TCP1: variants seen among roughly 807,000 people sequenced by gnomAD.
TCP1 encodes T-complex protein 1 subunit alpha.
A neutral mutation model predicts 54.7 loss-of-function variants in TCP1; 6 were observed. The observed-to-expected ratio is 0.11, with a 90% CI of 0.06 to 0.22. The LOEUF (loss-of-function observed/expected upper bound fraction) is 0.22. Among genes scored for constraint, TCP1 ranks in the 10% least tolerant of loss-of-function variants. TCP1 has a pLI of 1.00. For missense variants in TCP1, 511 were observed against 678.2 expected (o/e 0.75, Z 2.74); for synonymous variants, 225 against 229.7 (o/e 0.98, Z 0.19).
In TCP1 at chr6:159,784,951, T is replaced by G. The variant is rs112054652; in HGVS notation, c.489-104A>C. ...GGGACTTCCTTTTAGTAATCTAATCTATTAAAGCAGCAAGCATTACTTGTC... is the reference window on the plus strand; with the variant it reads ...GGGACTTCCTTTTAGTAATCTAATCGATTAAAGCAGCAAGCATTACTTGTC... On this transcript the variant is annotated intron_variant, in intron 5 of 11. Transcript: ENST00000321394. 5 of 1,141,450 alleles carry G rather than the reference T, an allele frequency of 4.4e-6. No homozygotes were observed. The African/African-American group carries it at 6.2e-5, about 14-fold the overall frequency. The allele number at this position is 1,141,450 out of a possible 1,614,324, so 70.7% of individuals were successfully genotyped here.
intron 7 of TCP1, among the ~76,000 whole-genome samples, 153 bp downstream of exon 7, chr6:159,783,788 G>A (rs1354194706): frequency 6.6e-6 from 1 of 151,952 alleles, no homozygotes; most frequent in Admixed American, 6.6e-5. Context: ...CCACAAAAAG[G>A]CCGATTTTCA....
intron 9 of TCP1, 100 bp from the exon 10 acceptor site, chr6:159,780,187 A>G: frequency 1.1e-5 from 16 of 1,439,532 alleles, no homozygotes; most frequent in Non-Finnish European, 1.5e-5. Flanking sequence ...TTAATAAAAT[A>G]AGTCTACATA....
At chr6:159,786,166 C>G (rs1418068099) in intron 3 of TCP1, 169 bp from the exon 4 acceptor site, 1 of 552,360 alleles carries the variant, frequency 1.8e-6, no homozygotes, top group Non-Finnish European at 3.2e-6. Context: ...CTACAAAACA[C>G]TCCAAGTCCT....
chr6:159,781,158 A>G, intron 7 of TCP1, 48 bp from the exon 8 acceptor site: 1 of 1,436,952 alleles, frequency 7.0e-7, no homozygotes, highest in Non-Finnish European at 9.3e-7. Flanking sequence ...ATTTTTAAAA[A>G]TAATTTAACT....
intron 3 of TCP1, among the ~76,000 whole-genome samples, chr6:159,787,250 AAAT>A: frequency 6.6e-6 from 1 of 152,058 alleles, no homozygotes; most frequent in Non-Finnish European, 1.5e-5. Context: ...GGTCTCTTAA[AAAT>A]AATAATATAA....
chr6:159,780,428 G>T lies in TCP1; in HGVS notation c.1097+15C>A. On this transcript the variant is annotated intron_variant, in intron 9 of 11. Transcript: ENST00000321394. ...AAATCGGTATAACTTTACAATTTTA[G>T]AAAGTGGCTCTTACTTTTTGATTAA... The T allele has an allele frequency of 1.2e-6, 2 of 1,613,442 alleles. No individual in the cohort carries two copies. The highest frequency in any genetic ancestry group is 1.1e-5 in the South Asian group (1 of 90,998).
chr6:159,789,308 G>A, intron 1 of TCP1, 97 bp downstream of exon 1: 1 of 1,422,470 alleles, frequency 7.0e-7, no homozygotes, highest in Non-Finnish European at 9.7e-7. Context: ...CCTTTCTGCG[G>A]AGGTAAAGGA....
chr6:159,784,593 C>T (rs1417171573), intron 6 of TCP1, 73 bp downstream of exon 6: 18 of 1,512,958 alleles, frequency 1.2e-5, no homozygotes, highest in African/African-American at 9.7e-5. Context: ...CATGAGCCAC[C>T]GCGCCCAGCC....
rs766305392 is a variant in TCP1, at chr6:159,778,831, T to A, written c.*214A>T. On this transcript the variant is annotated 3_prime_UTR_variant, in exon 12 of 12. Coordinates refer to ENST00000321394, the MANE Select transcript of TCP1 (RefSeq NM_030752.3). ...GCAATGTGTGTTCAGAGAGAATGAA[T>A]TGCTTAAACTTTGAACAACCTCAAT... 1 of 1,614,084 alleles carries A rather than the reference T, an allele frequency of 6.2e-7. No homozygotes were observed. The highest frequency in any genetic ancestry group is 1.1e-5 in the South Asian group (1 of 91,064).
intron 4 of TCP1, 40 bp from the exon 5 acceptor site, chr6:159,785,536 A>C: frequency 6.9e-7 from 1 of 1,439,814 alleles, no homozygotes; most frequent in Non-Finnish European, 9.8e-7. Context: ...TTATAAAGTC[A>C]CTACTCAAAC....
Position 159,789,537 on chromosome 6 carries a change from G to T in TCP1, c.-69C>A. On this transcript the variant is annotated 5_prime_UTR_variant, in exon 1 of 12. Coordinates refer to ENST00000321394, the MANE Select transcript of TCP1 (RefSeq NM_030752.3). ...CAACCAGTATCGCGGCCCCTCGGCC[G>T]ACCGGCGACCACAGCAGTGGCTGCG... 6.3e-7 allele frequency: 1 copy of T among 1,578,914 alleles called. No individual in the cohort carries two copies. Among genetic ancestry groups the T allele is most frequent in the South Asian group, 1.1e-5 (1 of 88,492 alleles).
chr6:159,786,118 C>G, intron 3 of TCP1, 121 bp from the exon 4 acceptor site: 1 of 733,676 alleles, frequency 1.4e-6, no homozygotes, highest in Non-Finnish European at 2.3e-6. Context: ...AATGAATTAA[C>G]TGGTTATTAG....
At chr6:159,785,217 G>T (rs142639726) in intron 5 of TCP1, 169 bp downstream of exon 5, 2 of 629,156 alleles carry the variant, frequency 3.2e-6, no homozygotes, top group Non-Finnish European at 5.6e-6. Flanking sequence ...ACCCACTCCC[G>T]AGACAGGGTC....
chr6:159,780,122 AT>A (rs1350149169), intron 9 of TCP1, 35 bp from the exon 10 acceptor site: 3 of 1,577,782 alleles, frequency 1.9e-6, no homozygotes, highest in African/African-American at 1.4e-5. Flanking sequence ...TTGTAATAGC[AT>A]TTTTAAAAAT....
chr6:159,785,574 A>G, intron 4 of TCP1, 78 bp from the exon 5 acceptor site: 2 of 1,142,582 alleles, frequency 1.8e-6, no homozygotes, highest in Non-Finnish European at 2.6e-6. Context: ...CTTAACACAG[A>G]GCCAAAATGT....
At chr6:159,780,631 CAG>C (rs1780554318) in intron 8 of TCP1, 65 bp from the exon 9 acceptor site, 1 of 1,562,096 alleles carries the variant, frequency 6.4e-7, no homozygotes, top group African/African-American at 1.4e-5. Flanking sequence ...TCCTTGGACT[CAG>C]TAGCATTTGT....
At chr6:159,783,875 G>T (rs906169198) in intron 7 of TCP1, 66 bp downstream of exon 7, 2 of 1,499,188 alleles carry the variant, frequency 1.3e-6, no homozygotes, top group African/African-American at 2.8e-5. Flanking sequence ...GTTTGACTTG[G>T]CTAAAAATGT....
intron 9 of TCP1, 71 bp from the exon 10 acceptor site, chr6:159,780,158 T>G: frequency 6.5e-7 from 1 of 1,539,472 alleles, no homozygotes; most frequent in Non-Finnish European, 8.8e-7. Context: ...ACCATCAATT[T>G]CTCAAAAAAA....
chr6:159,788,337 C>A (rs1418053681), intron 1 of TCP1, 194 bp from the exon 2 acceptor site: 1 of 538,656 alleles, frequency 1.9e-6, no homozygotes, highest in Non-Finnish European at 3.3e-6. Context: ...CAGGTGTAAT[C>A]CCAACACTGC....
Sources: allele counts gnomAD v4.1 joint callset (sites outside exome capture counted in the v4.1 genomes callset), GRCh38; gene constraint gnomAD v4.1.1; transcripts MANE v1.5; gene names NCBI Gene and HGNC (gene_info 2026-07-23, HGNC 2026-07-21).